Variants in SGPP2 observed in about 807,000 individuals in gnomAD.
SGPP2 encodes the protein sphingosine 1-phosphate phosphohydrolase 2.
In SGPP2, 30 loss-of-function variants were observed where a neutral mutation model predicts 33.9. The ratio of observed to expected loss-of-function variants is 0.89; its 90% CI spans 0.66 to 1.20. The LOEUF is 1.20. Among genes scored for constraint, SGPP2 ranks in the 50% most tolerant of loss-of-function variants. The probability of loss-of-function intolerance (pLI) is 0.00; values close to 1 mark genes in which losing one functional copy is unlikely to be tolerated. For missense variants in SGPP2, 458 were observed against 532.1 expected (o/e 0.86, Z 1.37); for synonymous variants, 233 against 225.0 (o/e 1.04, Z -0.32).
intron 2 of SGPP2, among the ~76,000 whole-genome samples, chr2:222,491,143 A>AT (rs939188461): frequency 1.1e-3 from 118 of 105,582 alleles, no homozygotes; most frequent in Non-Finnish European, 2.0e-3. Context: ...CCAAATATAT[A>AT]TTTTTTTTTG....
intron 1 of SGPP2, among the ~76,000 whole-genome samples, chr2:222,428,625 A>G (rs1360819598): frequency 6.6e-6 from 1 of 152,146 alleles, no homozygotes. Flanking sequence ...CTGTTAATCT[A>G]CGAAACCTTG....
chr2:222,517,488 C>T (rs566432800), intron 2 of SGPP2, among the ~76,000 whole-genome samples: 1 of 152,228 alleles, frequency 6.6e-6, no homozygotes, highest in Admixed American at 6.5e-5. Context: ...CCATCCATTC[C>T]ACAGAGAGCC....
intron 2 of SGPP2, among the ~76,000 whole-genome samples, chr2:222,483,912 A>G (rs569033579): frequency 6.6e-6 from 1 of 152,364 alleles, no homozygotes; most frequent in Non-Finnish European, 1.5e-5. Flanking sequence ...GTATTCAACA[A>G]TGGCCAGATT....
intron 1 of SGPP2, among the ~76,000 whole-genome samples, chr2:222,474,138 T>C (rs1448031983): frequency 6.6e-6 from 1 of 152,196 alleles, no homozygotes; most frequent in Non-Finnish European, 1.5e-5. Context: ...ATTAATTGCA[T>C]ATTTCAAGTC....
intron 2 of SGPP2, among the ~76,000 whole-genome samples, chr2:222,493,282 G>A (rs1218628653): frequency 6.6e-6 from 1 of 152,168 alleles, no homozygotes; most frequent in Non-Finnish European, 1.5e-5. Context: ...AATTATGGTG[G>A]GAAAGGAAGA....
chr2:222,470,729 C>T (rs1468289917), intron 1 of SGPP2, among the ~76,000 whole-genome samples: 6 of 152,108 alleles, frequency 3.9e-5, no homozygotes, highest in East Asian at 1.9e-4. Context: ...TGTTAGAGTT[C>T]GGCAAAATTT....
At chr2:222,440,547 T>A (rs1462867728) in intron 1 of SGPP2, among the ~76,000 whole-genome samples, 2 of 152,222 alleles carry the variant, frequency 1.3e-5, no homozygotes, top group Admixed American at 1.3e-4. Context: ...TTCACCATAT[T>A]GGTCAGGCTG....
At chr2:222,449,281 T>G (rs114620248) in intron 1 of SGPP2, among the ~76,000 whole-genome samples, 4,506 of 152,232 alleles carry the variant, frequency 0.03, 91 homozygotes, top group South Asian at 0.075. Context: ...TCATCCACTT[T>G]TTGACATTTT....
rs540923270 is a variant in SGPP2, at chr2:222,525,293, C to T, written c.648+260C>T. ...TGGGCTAGAACAGCGTTGGAGACTC[C>T]GGTCATTTATATTCACATCAGTTTA... On this transcript the variant is annotated intron_variant, in intron 4 of 4. Transcript: ENST00000321276. Among the ~76,000 whole-genome samples the T allele has an allele frequency of 1.6e-4, 24 of 152,240 alleles. 1 individual carries two copies. Among genetic ancestry groups the T allele is most frequent in the South Asian group, 6.2e-4 (3 of 4,818 alleles).
At chr2:222,540,727 TG>T (rs1268348248) in intron 4 of SGPP2, among the ~76,000 whole-genome samples, 1 of 152,150 alleles carries the variant, frequency 6.6e-6, no homozygotes, top group African/African-American at 2.4e-5. Context: ...TCCATTAGTC[TG>T]AATATTGGAT....
At chr2:222,532,071 G>A (rs531355022) in intron 4 of SGPP2, among the ~76,000 whole-genome samples, 46 of 152,170 alleles carry the variant, frequency 3.0e-4, no homozygotes, top group East Asian at 9.7e-4. Context: ...TCAGGAGTTC[G>A]AGACCAGCCT....
rs1451148287 is a variant in SGPP2, at chr2:222,513,678, C to T, written c.379-8089C>T. ...GACAAGTTCCATTATAAGAAAAAAG[C>T]AGAGGGAGAGATGAGACAGGCAGAA... is the stretch of plus-strand genomic sequence containing the variant. On this transcript the variant is annotated intron_variant, in intron 2 of 4. Transcript: ENST00000321276. 2.6e-5 allele frequency among the ~76,000 whole-genome samples: 4 copies of T among 152,156 alleles called. No homozygotes were observed. In the East Asian group the frequency reaches 7.7e-4, roughly 29 times the overall value.
chr2:222,469,103 TA>T (rs779559945), intron 1 of SGPP2, among the ~76,000 whole-genome samples: 37 of 152,282 alleles, frequency 2.4e-4, no homozygotes, highest in Non-Finnish European at 5.1e-4. Flanking sequence ...ATAATGTGGG[TA>T]ATTTTCATTT....
chr2:222,537,746 A>T (rs914079241), intron 4 of SGPP2, among the ~76,000 whole-genome samples: 25 of 152,358 alleles, frequency 1.6e-4, no homozygotes, highest in Middle Eastern at 3.4e-3. Flanking sequence ...ACTTAAATGA[A>T]GTTGCAGTGT....
chr2:222,548,613 G>A (rs940062233), intron 4 of SGPP2, among the ~76,000 whole-genome samples: 5 of 151,972 alleles, frequency 3.3e-5, no homozygotes, highest in Middle Eastern at 3.2e-3. Flanking sequence ...CGTATCAGGC[G>A]ATTCTACTGC....
At chr2:222,446,295 G>T (rs1350999198) in intron 1 of SGPP2, among the ~76,000 whole-genome samples, 1 of 148,824 alleles carries the variant, frequency 6.7e-6, no homozygotes, top group Non-Finnish European at 1.5e-5. Context: ...CAGGAGAGTG[G>T]AGAGACAGGG....
chr2:222,526,174 T>C (rs1698755885), intron 4 of SGPP2, among the ~76,000 whole-genome samples: 2 of 151,906 alleles, frequency 1.3e-5, no homozygotes, highest in Admixed American at 6.6e-5. Context: ...TGCAGTTTTT[T>C]AAAAAATCAA....
intron 4 of SGPP2, among the ~76,000 whole-genome samples, chr2:222,549,907 TCA>T (rs1227254903): frequency 5.3e-5 from 8 of 150,850 alleles, no homozygotes; most frequent in African/African-American, 1.9e-4. Context: ...TGAGACAGTC[TCA>T]CTCTGTCACC....
At chr2:222,492,729 A>G (rs1698217191) in intron 2 of SGPP2, among the ~76,000 whole-genome samples, 1 of 152,140 alleles carries the variant, frequency 6.6e-6, no homozygotes. Flanking sequence ...TTCCTTTCCT[A>G]TGGCATTGTC....
Sources: gnomAD v4.1 joint callset for allele counts (sites outside exome capture counted in the v4.1 genomes callset) on GRCh38, gnomAD v4.1.1 for gene constraint, MANE v1.5 for transcripts, NCBI Gene and HGNC (gene_info 2026-07-23, HGNC 2026-07-21) for gene names.